The following ACTR3C variants were observed in gnomAD, a reference collection of about 807,000 sequenced individuals.
ACTR3C encodes the protein actin related protein 3C, also known as actin-related protein 3C.
In ACTR3C, 18 loss-of-function variants were observed where a neutral mutation model predicts 26.3. The observed-to-expected ratio is 0.68, with a 90% CI of 0.47 to 1.01. ACTR3C has a LOEUF of 1.01. Among genes scored for constraint, ACTR3C ranks in the 50% least tolerant of loss-of-function variants. The pLI, the probability that ACTR3C is intolerant of heterozygous loss-of-function variation, is 0.00. For missense variants in ACTR3C, 184 were observed against 250.7 expected, an observed-to-expected ratio of 0.73 and a Z score of 1.80; for synonymous variants, 55 against 94.5, an observed-to-expected ratio of 0.58 and a Z score of 2.42.
the ACTR3C span, among the ~76,000 whole-genome samples, chr7:149,981,925 T>A: frequency 6.6e-6 from 1 of 152,224 alleles, no homozygotes; most frequent in African/African-American, 2.4e-5. Context: ...TTACCTCTCC[T>A]TCCTCCACTG....
the ACTR3C span, among the ~76,000 whole-genome samples, chr7:149,905,539 A>C: frequency 6.6e-6 from 1 of 151,026 alleles, no homozygotes; most frequent in East Asian, 1.9e-4. Context: ...CAAAATTTTA[A>C]ATTTCTAGAT....
the ACTR3C span, among the ~76,000 whole-genome samples, chr7:150,116,536 G>A: frequency 6.6e-6 from 1 of 152,186 alleles, no homozygotes; most frequent in Non-Finnish European, 1.5e-5. Flanking sequence ...TTAAATTACT[G>A]CATAATTTCT....
the ACTR3C span, among the ~76,000 whole-genome samples, chr7:150,141,436 G>A: frequency 3.3e-5 from 5 of 151,818 alleles, no homozygotes; most frequent in African/African-American, 9.7e-5. Context: ...CATTAGTAAC[G>A]AGCATGCTAT....
the ACTR3C span, among the ~76,000 whole-genome samples, chr7:150,011,542 G>T: frequency 2.0e-5 from 3 of 152,142 alleles, no homozygotes; most frequent in Non-Finnish European, 4.4e-5. Context: ...CCAAGATCGC[G>T]CCATTGCATT....
At chr7:150,070,973 T>C in the ACTR3C span, among the ~76,000 whole-genome samples, 1 of 147,090 alleles carries the variant, frequency 6.8e-6, no homozygotes, top group African/African-American at 2.5e-5. Context: ...TTTTTGCATT[T>C]TTAGTAGAGA....
chr7:149,939,589 A>C, the ACTR3C span, among the ~76,000 whole-genome samples: 4 of 151,712 alleles, frequency 2.6e-5, no homozygotes, highest in Non-Finnish European at 5.9e-5. Context: ...AGAAGCTGGG[A>C]AGGGACCTGT....
chr7:150,039,553 G>T, the ACTR3C span, among the ~76,000 whole-genome samples: 21,344 of 124,176 alleles, frequency 0.17, 503 homozygotes, highest in Middle Eastern at 0.21. Context: ...CAGAGCCAGG[G>T]GGGGAAGAGG....
At chr7:150,098,762 G>A in the ACTR3C span, among the ~76,000 whole-genome samples, 1 of 151,884 alleles carries the variant, frequency 6.6e-6, no homozygotes, top group Non-Finnish European at 1.5e-5. Flanking sequence ...CATCTGCACA[G>A]CTTGGATGTT....
the ACTR3C span, among the ~76,000 whole-genome samples, chr7:149,914,595 A>G: frequency 7.0e-6 from 1 of 143,148 alleles, no homozygotes; most frequent in Non-Finnish European, 1.5e-5. Flanking sequence ...ATAAACAAAC[A>G]GAAGTAGTAA....
chr7:150,236,431 C>G, the ACTR3C span, among the ~76,000 whole-genome samples: 1 of 152,102 alleles, frequency 6.6e-6, no homozygotes, highest in African/African-American at 2.4e-5. Context: ...TGCCCTGAAC[C>G]CAATAATATC....
the ACTR3C span, among the ~76,000 whole-genome samples, chr7:150,024,377 C>A: frequency 2.0e-5 from 3 of 151,892 alleles, no homozygotes; most frequent in African/African-American, 7.3e-5. Context: ...CTCACAGTTG[C>A]TGGCAGGGAC....
chr7:150,029,402 A>AG, the ACTR3C span, among the ~76,000 whole-genome samples: 1 of 116,408 alleles, frequency 8.6e-6, no homozygotes, highest in Non-Finnish European at 1.8e-5. Context: ...TTTATCAAAA[A>AG]CAAAAAAAAA....
At chr7:150,134,727 T>C in the ACTR3C span, among the ~76,000 whole-genome samples, 2 of 152,256 alleles carry the variant, frequency 1.3e-5, no homozygotes, top group African/African-American at 4.8e-5. Flanking sequence ...CATCTGTCAC[T>C]ACGTCAGGAT....
the ACTR3C span, among the ~76,000 whole-genome samples, chr7:149,918,743 G>A: frequency 6.6e-6 from 1 of 152,160 alleles, no homozygotes. Context: ...TGAGGATGTG[G>A]AGAAAAGAAA....
the ACTR3C span, among the ~76,000 whole-genome samples, chr7:149,935,773 T>C: frequency 6.6e-6 from 1 of 151,892 alleles, no homozygotes; most frequent in African/African-American, 2.4e-5. Context: ...CTTTATCTGC[T>C]GTTGTTTTTA....
the ACTR3C span, among the ~76,000 whole-genome samples, chr7:150,071,869 A>G: frequency 2.0e-5 from 3 of 149,058 alleles, no homozygotes; most frequent in South Asian, 6.7e-4. Context: ...GGGAGTTAAC[A>G]AGGGAAGAGA....
At chr7:150,020,423 A>G in the ACTR3C span, among the ~76,000 whole-genome samples, 2 of 152,128 alleles carry the variant, frequency 1.3e-5, no homozygotes, top group East Asian at 3.8e-4. Flanking sequence ...TCTGTTTCAA[A>G]GAGCTGTATT....
chr7:150,253,393 T>C (rs1832980854), intron 6 of ACTR3C, among the ~76,000 whole-genome samples: 1 of 152,208 alleles, frequency 6.6e-6, no homozygotes, highest in Non-Finnish European at 1.5e-5. Flanking sequence ...TTGGGGTTTT[T>C]GTTTTTACCC....
the ACTR3C span, among the ~76,000 whole-genome samples, chr7:150,223,556 G>T: frequency 6.6e-6 from 1 of 151,738 alleles, no homozygotes; most frequent in Admixed American, 6.6e-5. Context: ...AAACTCCTTA[G>T]GTATCTATTA....
Sources: allele counts gnomAD v4.1 joint callset (sites outside exome capture counted in the v4.1 genomes callset), GRCh38; gene constraint gnomAD v4.1.1; transcripts MANE v1.5; gene names NCBI Gene and HGNC (gene_info 2026-07-23, HGNC 2026-07-21).